Variants in PTPRM observed in about 807,000 individuals in gnomAD.
PTPRM encodes protein tyrosine phosphatase receptor type M.
PTPRM carries 47 observed loss-of-function variants against 186.7 expected under a neutral mutation model. That is an observed-to-expected ratio of 0.25 (90% CI 0.20 to 0.32). PTPRM has a LOEUF of 0.32. Ranked by LOEUF, PTPRM falls within the 10% of genes least tolerant of loss-of-function variation. PTPRM has a pLI of 1.00. For missense variants in PTPRM, 1,494 were observed against 1,865.0 expected (o/e 0.80, Z 3.66); for synonymous variants, 668 against 674.9 (o/e 0.99, Z 0.16).
rs566554845 is a variant in PTPRM at position 7,916,936 on chromosome 18, T to G, written c.548-9632T>G. On this transcript the variant is annotated intron_variant, in intron 4 of 32. Coordinates refer to ENST00000580170, the MANE Select transcript of PTPRM (RefSeq NM_001105244.2). Reference sequence around the variant, plus strand: ...GTAATTTTGTTTTCATTAGCCAACATGTTGTCCCTCTACGCCCTACCTTTC... The same window carrying G: ...GTAATTTTGTTTTCATTAGCCAACAGGTTGTCCCTCTACGCCCTACCTTTC... 1.4e-4 allele frequency among the ~76,000 whole-genome samples: 22 copies of G among 152,324 alleles called. 1 individual carries two copies. The East Asian group carries it at 3.3e-3, about 23-fold the overall frequency.
intron 14 of PTPRM, among the ~76,000 whole-genome samples, chr18:8,228,624 GAGGTCAGGAGAT>G (rs1221541973): frequency 2.0e-5 from 3 of 150,644 alleles, no homozygotes; most frequent in Admixed American, 2.0e-4. Context: ...GGTGGATCAC[GAGGTCAGGAGAT>G]CGATACCATC....
intron 2 of PTPRM, among the ~76,000 whole-genome samples, chr18:7,796,063 G>T (rs143491034): frequency 1.3e-3 from 198 of 152,066 alleles, no homozygotes; most frequent in African/African-American, 4.6e-3. Context: ...TCCTGCCTTG[G>T]CCTCCCAAAA....
intron 2 of PTPRM, among the ~76,000 whole-genome samples, chr18:7,845,628 C>T (rs2046556370): frequency 6.6e-6 from 1 of 152,172 alleles, no homozygotes; most frequent in African/African-American, 2.4e-5. Flanking sequence ...TTCTCCTTTT[C>T]ACATTTATGG....
At chr18:8,260,695 A>G (rs1306329017) in intron 19 of PTPRM, among the ~76,000 whole-genome samples, 4 of 152,226 alleles carry the variant, frequency 2.6e-5, no homozygotes, top group East Asian at 3.9e-4. Flanking sequence ...ATATCCTACA[A>G]AAAGCACTCC....
Position 7,627,426 on chromosome 18 carries a change from G to A in PTPRM, c.73+59535G>A, listed in dbSNP as rs552143279. 2.6e-5 allele frequency among the ~76,000 whole-genome samples: 4 copies of A among 152,236 alleles called. No homozygotes were observed. The East Asian group carries it at 7.7e-4, about 29-fold the overall frequency. On this transcript the variant is annotated intron_variant, in intron 1 of 32. Transcript: ENST00000580170. Reference sequence around the variant, plus strand: ...TCTGTTCTTGGCCTCCTCAGCCCTTGTATGAGATCCTGTCTTCCCAGAGAA... The same window carrying A: ...TCTGTTCTTGGCCTCCTCAGCCCTTATATGAGATCCTGTCTTCCCAGAGAA...
chr18:8,199,124 T>C (rs748711080), intron 14 of PTPRM, among the ~76,000 whole-genome samples: 9 of 152,140 alleles, frequency 5.9e-5, no homozygotes, highest in Non-Finnish European at 1.3e-4. Context: ...ATAATAACAC[T>C]GAAATCCTTT....
intron 19 of PTPRM, among the ~76,000 whole-genome samples, chr18:8,262,705 TA>T (rs1196261663): frequency 1.3e-5 from 2 of 152,234 alleles, no homozygotes; most frequent in Non-Finnish European, 2.9e-5. Flanking sequence ...GGCAATATAT[TA>T]ACTGATAATA....
At chr18:7,793,660 A>T (rs1356834600) in intron 2 of PTPRM, among the ~76,000 whole-genome samples, 1 of 152,090 alleles carries the variant, frequency 6.6e-6, no homozygotes, top group African/African-American at 2.4e-5. Context: ...AGGATTATTG[A>T]TATGGAAGGG....
intron 11 of PTPRM, among the ~76,000 whole-genome samples, chr18:8,091,588 T>C (rs1430428416): frequency 1.4e-5 from 1 of 70,046 alleles, no homozygotes; most frequent in Non-Finnish European, 3.1e-5. Context: ...GTCGAAAAGA[T>C]TTTTTTTTTT....
At chr18:8,152,972 T>TCCCAA (rs1383412290) in intron 14 of PTPRM, among the ~76,000 whole-genome samples, 1 of 152,136 alleles carries the variant, frequency 6.6e-6, no homozygotes, top group African/African-American at 2.4e-5. Context: ...TGCCTCAGCC[T>TCCCAA]CCCAAAGTGC....
intron 3 of PTPRM, among the ~76,000 whole-genome samples, chr18:7,893,307 G>C (rs1046816329): frequency 1.3e-5 from 2 of 152,132 alleles, no homozygotes; most frequent in Non-Finnish European, 2.9e-5. Flanking sequence ...CGACTGGATG[G>C]CTAGGTACCT....
chr18:8,005,154 T>G (rs981513140), intron 7 of PTPRM, among the ~76,000 whole-genome samples: 9 of 152,182 alleles, frequency 5.9e-5, no homozygotes, highest in African/African-American at 2.2e-4. Context: ...TGGAAAAATA[T>G]ACTCAAAGGC....
At chr18:7,812,923 C>T (rs981484439) in intron 2 of PTPRM, among the ~76,000 whole-genome samples, 1 of 152,118 alleles carries the variant, frequency 6.6e-6, no homozygotes, top group African/African-American at 2.4e-5. Flanking sequence ...TGAGGTTGAA[C>T]CGAAGCACAG....
intron 2 of PTPRM, among the ~76,000 whole-genome samples, chr18:7,800,704 G>A (rs1453529998): frequency 1.3e-5 from 2 of 152,292 alleles, no homozygotes; most frequent in African/African-American, 2.4e-5. Flanking sequence ...TCTGAGAAAT[G>A]CATTGTTCAG....
chr18:8,009,442 G>T (rs1161914763), intron 7 of PTPRM, among the ~76,000 whole-genome samples: 1 of 152,106 alleles, frequency 6.6e-6, no homozygotes, highest in Non-Finnish European at 1.5e-5. Context: ...GAGCGCGGTG[G>T]CCCATGCCTG....
chr18:7,935,200 A>G (rs181698973), intron 5 of PTPRM, among the ~76,000 whole-genome samples: 86 of 152,330 alleles, frequency 5.6e-4, no homozygotes, highest in Non-Finnish European at 8.8e-4. Context: ...TTAGCATTCC[A>G]GAAAATACTA....
At chr18:8,109,841 G>A (rs552609470) in intron 11 of PTPRM, among the ~76,000 whole-genome samples, 1 of 152,224 alleles carries the variant, frequency 6.6e-6, no homozygotes, top group Admixed American at 6.5e-5. Flanking sequence ...ATGGAGGTGT[G>A]GGGGGCACAT....
At chr18:8,011,784 A>G (rs1014172843) in intron 7 of PTPRM, among the ~76,000 whole-genome samples, 3 of 152,226 alleles carry the variant, frequency 2.0e-5, no homozygotes, top group African/African-American at 7.2e-5. Flanking sequence ...AGCTCAAGGT[A>G]TCATGTTTAT....
intron 1 of PTPRM, among the ~76,000 whole-genome samples, chr18:7,647,430 T>C (rs941998002): frequency 1.3e-5 from 2 of 152,204 alleles, no homozygotes; most frequent in South Asian, 2.1e-4. Flanking sequence ...AGGTAAGTTA[T>C]TGTGACCCAG....
Sources: allele counts gnomAD v4.1 joint callset (sites outside exome capture counted in the v4.1 genomes callset), GRCh38; gene constraint gnomAD v4.1.1; transcripts MANE v1.5; gene names NCBI Gene and HGNC (gene_info 2026-07-23, HGNC 2026-07-21).